ETV6: variants seen among roughly 807,000 people sequenced by gnomAD.
The protein encoded by ETV6 is ETS variant transcription factor 6.
ETV6 carries 16 observed loss-of-function variants against 51.1 expected under a neutral mutation model. That is an observed-to-expected ratio of 0.31 (90% confidence interval 0.21 to 0.48). ETV6 has a LOEUF of 0.48. Among genes scored for constraint, ETV6 ranks in the 20% least tolerant of loss-of-function variants. The pLI is 0.99. For missense variants in ETV6, 458 were observed against 594.8 expected, an observed-to-expected ratio of 0.77 and a Z score of 2.39; for synonymous variants, 240 against 224.1, an observed-to-expected ratio of 1.07 and a Z score of -0.64.
intron 4 of ETV6, among the ~76,000 whole-genome samples, chr12:11,860,643 A>G (rs776325927): frequency 5.3e-5 from 8 of 152,078 alleles, no homozygotes; most frequent in Non-Finnish European, 1.0e-4. Context: ...CATTCGGTAA[A>G]TGTTATTCAT....
chr12:11,737,055 T>C (rs1267495612), intron 1 of ETV6, among the ~76,000 whole-genome samples: 1 of 152,038 alleles, frequency 6.6e-6, no homozygotes, highest in Non-Finnish European at 1.5e-5. Flanking sequence ...GGGGCTCCTG[T>C]GTGGTTTGGG....
chr12:11,787,758 A>G (rs1385195624), intron 2 of ETV6, among the ~76,000 whole-genome samples: 2 of 152,192 alleles, frequency 1.3e-5, no homozygotes, highest in Non-Finnish European at 2.9e-5. Context: ...AGTCTATGAC[A>G]TTGCTGCTTT....
intron 1 of ETV6, among the ~76,000 whole-genome samples, chr12:11,730,028 G>A (rs141211226): frequency 5.2e-4 from 79 of 152,276 alleles, no homozygotes; most frequent in African/African-American, 1.8e-3. Context: ...GGATTTTTCT[G>A]TGCAAGCGAA....
intron 1 of ETV6, among the ~76,000 whole-genome samples, chr12:11,737,693 G>GAA (rs1865730397): frequency 6.6e-6 from 1 of 152,178 alleles, no homozygotes; most frequent in South Asian, 2.1e-4. Flanking sequence ...ATCGGTCTTT[G>GAA]AACCTAGGTC....
At chr12:11,747,149 T>C (rs547817365) in intron 1 of ETV6, among the ~76,000 whole-genome samples, 1 of 152,298 alleles carries the variant, frequency 6.6e-6, no homozygotes, top group South Asian at 2.1e-4. Context: ...AGAGGAGACT[T>C]CAGATGCTAG....
intron 2 of ETV6, among the ~76,000 whole-genome samples, chr12:11,789,960 G>A (rs1490083619): frequency 1.3e-5 from 2 of 151,992 alleles, no homozygotes; most frequent in African/African-American, 4.8e-5. Flanking sequence ...TTCATTCTGG[G>A]AACTGTCCTC....
intron 1 of ETV6, among the ~76,000 whole-genome samples, chr12:11,682,263 C>G (rs1266240595): frequency 2.0e-5 from 3 of 152,208 alleles, no homozygotes; most frequent in Non-Finnish European, 2.9e-5. Context: ...GCCATTCTAA[C>G]TGGTGTGAGA....
In ETV6 at chr12:11,673,211, G is replaced by GGGCA. The variant is rs573565905; in HGVS notation, c.33+23053_33+23056dup. 3.1e-3 allele frequency among the ~76,000 whole-genome samples: 474 copies of GGGCA among 152,278 alleles called. 2 individuals carry two copies. The highest frequency in any genetic ancestry group is 0.011 in the African/African-American group (465 of 41,544). ...AGGGTGTTGATCCTGGCTGCAGAAG[G>GGGCA]GGCAGCTTTCTGAGCAGGTGGGAGT... On this transcript the variant is annotated intron_variant, in intron 1 of 7. Coordinates refer to ENST00000396373, the MANE Select transcript of ETV6 (RefSeq NM_001987.5).
chr12:11,844,148 C>T (rs770059604), intron 3 of ETV6, among the ~76,000 whole-genome samples: 6 of 151,968 alleles, frequency 3.9e-5, no homozygotes, highest in Non-Finnish European at 8.8e-5. Flanking sequence ...TTATATTAAC[C>T]CTTACTTAGG....
At chr12:11,696,101 A>G (rs1864874168) in intron 1 of ETV6, among the ~76,000 whole-genome samples, 1 of 152,240 alleles carries the variant, frequency 6.6e-6, no homozygotes, top group Non-Finnish European at 1.5e-5. Flanking sequence ...TAGAGAGTTT[A>G]TTAACACGTG....
At chr12:11,738,458 C>T (rs1305211753) in intron 1 of ETV6, among the ~76,000 whole-genome samples, 1 of 151,452 alleles carries the variant, frequency 6.6e-6, no homozygotes, top group Non-Finnish European at 1.5e-5. Context: ...TGGAATGTAC[C>T]ACCATGCCCG....
intron 1 of ETV6, among the ~76,000 whole-genome samples, chr12:11,719,764 G>A (rs1424321449): frequency 7.9e-5 from 12 of 152,236 alleles, no homozygotes; most frequent in African/African-American, 2.4e-4. Flanking sequence ...AGGGACAAGA[G>A]AGAAGCGGGA....
chr12:11,841,917 C>T (rs1470810024), intron 3 of ETV6, among the ~76,000 whole-genome samples: 1 of 151,764 alleles, frequency 6.6e-6, no homozygotes, highest in Non-Finnish European at 1.5e-5. Flanking sequence ...CCCGTCTCTC[C>T]TAAAAATACA....
At position 11,734,516 on chromosome 12, in the gene ETV6, CAAAAAAAAAAAAGA is replaced by C. The variant is rs762731031; in HGVS notation, c.34-17918_34-17905del. Among the ~76,000 whole-genome samples, 541 of 68,542 alleles carry C rather than the reference CAAAAAAAAAAAAGA, an allele frequency of 7.9e-3. 5 individuals carry two copies. Among genetic ancestry groups the C allele is most frequent in the Middle Eastern group, 0.058 (6 of 104 alleles). 45.0% of individuals were successfully genotyped at this position (68,542 alleles called of 152,430 possible). A position where few individuals can be genotyped will look rare whatever the true frequency, so the allele number is the denominator to read the frequency against. On this transcript the variant is annotated intron_variant, in intron 1 of 7. Coordinates refer to ENST00000396373, the MANE Select transcript of ETV6 (RefSeq NM_001987.5). The stretch of plus-strand genomic sequence containing the variant: ...CAGCTACCTGGGGGGCTGAGATGAG[CAAAAAAAAAAAAGA>C]AAAAAAAAAAAAGAAGAAGAAGAAA...
intron 4 of ETV6, among the ~76,000 whole-genome samples, chr12:11,865,006 C>T (rs1321946530): frequency 6.6e-6 from 1 of 152,112 alleles, no homozygotes; most frequent in Non-Finnish European, 1.5e-5. Flanking sequence ...AATCCCAGCA[C>T]TTTGGGAGGC....
chr12:11,762,508 C>T (rs1011671032), intron 2 of ETV6, among the ~76,000 whole-genome samples: 12 of 152,204 alleles, frequency 7.9e-5, no homozygotes, highest in Non-Finnish European at 1.5e-4. Context: ...ACTATCCTCC[C>T]TTAGCCGGCT....
intron 5 of ETV6, among the ~76,000 whole-genome samples, chr12:11,883,246 A>T (rs557422195): frequency 6.8e-6 from 1 of 147,086 alleles, no homozygotes; most frequent in African/African-American, 2.5e-5. Context: ...AAGTCATAGA[A>T]CAAGGGGAAG....
chr12:11,746,790 C>CT lies in ETV6; in HGVS notation c.34-5637dup, dbSNP rs56135545. Among the ~76,000 whole-genome samples, 278 of 118,642 alleles carry CT rather than the reference C, an allele frequency of 2.3e-3. 3 individuals are homozygous for CT. Among genetic ancestry groups the CT allele is most frequent in the African/African-American group, 6.7e-3 (216 of 32,400 alleles). 77.8% of individuals were successfully genotyped at this position (118,642 alleles called of 152,430 possible). A position where few individuals can be genotyped will look rare whatever the true frequency, so the allele number is the denominator to read the frequency against. On this transcript the variant is annotated intron_variant, in intron 1 of 7. Transcript: ENST00000396373. The stretch of plus-strand genomic sequence containing the variant: ...CTTATTGCTAATGCTCTCTCTCTCT[C>CT]TTTTTTTTTTTTTTTTTTTTTTTAA...
intron 1 of ETV6, among the ~76,000 whole-genome samples, chr12:11,719,284 G>A (rs1865337681): frequency 6.6e-6 from 1 of 152,244 alleles, no homozygotes; most frequent in Admixed American, 6.5e-5. Flanking sequence ...TTTGGTGAAG[G>A]AAATGTGGTC....
Sources: gnomAD v4.1 joint callset for allele counts (sites outside exome capture counted in the v4.1 genomes callset) on GRCh38, gnomAD v4.1.1 for gene constraint, MANE v1.5 for transcripts, NCBI Gene and HGNC (gene_info 2026-07-23, HGNC 2026-07-21) for gene names.